KIF27: variants seen among roughly 807,000 people sequenced by gnomAD.
The protein encoded by KIF27 is kinesin-like protein KIF27.
KIF27 carries 84 observed loss-of-function variants against 141.8 expected under a neutral mutation model. The ratio of observed to expected loss-of-function variants is 0.59; its 90% CI spans 0.50 to 0.71. KIF27 has a LOEUF of 0.71. Among genes scored for constraint, KIF27 ranks in the 30% least tolerant of loss-of-function variants. The pLI, the probability that KIF27 is intolerant of heterozygous loss-of-function variation, is 0.00. For missense variants in KIF27, 1,306 were observed against 1,628.4 expected (o/e 0.80, Z 3.41); for synonymous variants, 471 against 569.5 (o/e 0.83, Z 2.46).
chr9:83,915,684 C>A lies in KIF27; in HGVS notation c.-87-6G>T, dbSNP rs1167968931. 3 of 1,309,924 alleles carry A rather than the reference C, an allele frequency of 2.3e-6. No homozygotes were observed. Among genetic ancestry groups the A allele is most frequent in the African/African-American group, 3.0e-5 (2 of 67,154 alleles). 81.1% of individuals were successfully genotyped at this position (1,309,924 alleles called of 1,614,324 possible). A position where few individuals can be genotyped will look rare whatever the true frequency, so the allele number is the denominator to read the frequency against. On this transcript the variant is annotated splice_region_variant and splice_polypyrimidine_tract_variant and intron_variant, in intron 1 of 17. Coordinates refer to ENST00000297814, the MANE Select transcript of KIF27 (RefSeq NM_017576.4). ...CTTATGTAAGATCTGGATTCCTGTG[C>A]AACAAAAATAAAAAGCAAATTTTAA... is the stretch of plus-strand genomic sequence containing the variant.
intron 11 of KIF27, among the ~76,000 whole-genome samples, chr9:83,874,793 G>T (rs185054565): frequency 6.7e-6 from 1 of 150,078 alleles, no homozygotes; most frequent in African/African-American, 2.5e-5. Flanking sequence ...AGTGTGTGAG[G>T]TACGCTGGCA....
chr9:83,886,605 C>T (rs1361287386), intron 9 of KIF27, among the ~76,000 whole-genome samples: 2 of 151,854 alleles, frequency 1.3e-5, no homozygotes, highest in Admixed American at 6.6e-5. Context: ...AAACTACTGA[C>T]GCATACTGGG....
chr9:83,873,555 A>T (rs531751717), intron 11 of KIF27, among the ~76,000 whole-genome samples: 21 of 152,342 alleles, frequency 1.4e-4, no homozygotes, highest in Non-Finnish European at 2.4e-4. Context: ...TAAATAAAGA[A>T]AAATGTTACA....
chr9:83,899,183 A>T lies in KIF27; in HGVS notation c.1602+478T>A, dbSNP rs1416711850. On this transcript the variant is annotated intron_variant, in intron 5 of 17. Transcript: ENST00000297814. Reference sequence around the variant, plus strand: ...CAGGGAGTTTAATATGTAGAGGCATACTATGTTATACTGTAGACATATCCA... The same window carrying T: ...CAGGGAGTTTAATATGTAGAGGCATTCTATGTTATACTGTAGACATATCCA... Among the ~76,000 whole-genome samples, 11 of 152,222 alleles carry T rather than the reference A, an allele frequency of 7.2e-5. No individual in the cohort carries two copies. The East Asian group carries it at 1.5e-3, about 21-fold the overall frequency.
At chr9:83,874,180 G>A (rs1951026300) in intron 11 of KIF27, among the ~76,000 whole-genome samples, 1 of 152,110 alleles carries the variant, frequency 6.6e-6, no homozygotes, top group Non-Finnish European at 1.5e-5. Context: ...CACTGTGCTA[G>A]ACTTTTTATA....
chr9:83,846,256 C>T (rs1947258503), intron 16 of KIF27, among the ~76,000 whole-genome samples: 2 of 152,244 alleles, frequency 1.3e-5, no homozygotes, highest in South Asian at 4.1e-4. Context: ...TTTGTCCTCA[C>T]TGGAATAGAC....
At chr9:83,860,529 T>C (rs1949775201) in intron 13 of KIF27, among the ~76,000 whole-genome samples, 2 of 152,228 alleles carry the variant, frequency 1.3e-5, no homozygotes, top group African/African-American at 2.4e-5. Flanking sequence ...TTGTTATTCA[T>C]AGGTGAACTA....
intron 16 of KIF27, among the ~76,000 whole-genome samples, chr9:83,848,061 C>CATATG (rs1554764477): frequency 0.07 from 1,358 of 19,276 alleles, 479 homozygotes; most frequent in Non-Finnish European, 0.1. Flanking sequence ...ATCTATATAT[C>CATATG]ATATATATGA....
At chr9:83,840,112 G>GT (rs1286915028) in intron 17 of KIF27, among the ~76,000 whole-genome samples, 1 of 151,944 alleles carries the variant, frequency 6.6e-6, no homozygotes, top group Non-Finnish European at 1.5e-5. Flanking sequence ...TTATATTAGA[G>GT]TAGCATTATG....
At position 83,908,248 on chromosome 9, in the gene KIF27, C is replaced by T. The variant is rs187922411; in HGVS notation, c.499+204G>A. 4.3e-4 allele frequency among the ~76,000 whole-genome samples: 55 copies of T among 126,520 alleles called. No homozygotes were observed. In the East Asian group the frequency reaches 0.01, roughly 24 times the overall value. 83.0% of individuals were successfully genotyped at this position (126,520 alleles called of 152,430 possible). ...CTACACTCTAGCCTGGCTGATGGAG[C>T]GAAACTCCATCTCAAAAAAAAAAAA... On this transcript the variant is annotated intron_variant, in intron 3 of 17. Coordinates refer to ENST00000297814, the MANE Select transcript of KIF27 (RefSeq NM_017576.4).
intron 2 of KIF27, among the ~76,000 whole-genome samples, chr9:83,912,502 C>T (rs974565623): frequency 3.3e-5 from 5 of 152,140 alleles, no homozygotes; most frequent in Non-Finnish European, 5.9e-5. Flanking sequence ...TATAGATAAG[C>T]AATCTTGATT....
At chr9:83,862,703 T>G (rs1271944276) in intron 13 of KIF27, among the ~76,000 whole-genome samples, 1 of 152,192 alleles carries the variant, frequency 6.6e-6, no homozygotes, top group Admixed American at 6.5e-5. Context: ...TTTTTCCAGT[T>G]CTGTGAAGAA....
rs756839697 is a variant in KIF27, at chr9:83,859,194, C to T, written c.3112G>A (p.Asp1038Asn). The change falls in exon 14 of 18, where the codon GAT (aspartate) becomes AAT (asparagine). Residue 1038 changes from aspartate to asparagine, a missense_variant. Physicochemically the swap from Asp to Asn is conservative, Grantham distance 23 (BLOSUM62 1). Transcript: ENST00000297814. ...DQLQKRRHNV[D>N]EKLKNGRVLS... ...ACTCTACCATTTTTAAGTTTTTCAT[C>T]CACATTGTGTCTGCGTTTCTGGAGC... 7 of 1,612,892 alleles carry T rather than the reference C, an allele frequency of 4.3e-6. No homozygotes were observed. In the South Asian group the frequency reaches 4.4e-5, roughly 10 times the overall value.
chr9:83,893,192 G>A (rs1414378861), intron 5 of KIF27, among the ~76,000 whole-genome samples: 5 of 152,190 alleles, frequency 3.3e-5, no homozygotes, highest in Admixed American at 6.5e-5. Flanking sequence ...ACTCATGATC[G>A]TGCCACTGTG....
chr9:83,848,206 A>C (rs1285818119), intron 16 of KIF27, among the ~76,000 whole-genome samples: 1 of 56,568 alleles, frequency 1.8e-5, no homozygotes, highest in Non-Finnish European at 3.1e-5. Context: ...TATATCAGAT[A>C]TGATATATAT....
At chr9:83,860,918 G>A (rs1949832203) in intron 13 of KIF27, among the ~76,000 whole-genome samples, 1 of 150,192 alleles carries the variant, frequency 6.7e-6, no homozygotes, top group South Asian at 2.1e-4. Flanking sequence ...GCTTATTCTA[G>A]CTTCACATTT....
chr9:83,884,245 C>T (rs1050523818), intron 9 of KIF27, among the ~76,000 whole-genome samples: 1 of 152,068 alleles, frequency 6.6e-6, no homozygotes, highest in African/African-American at 2.4e-5. Context: ...CAGTCAGTCT[C>T]ACTGGTTCAA....
intron 15 of KIF27, among the ~76,000 whole-genome samples, chr9:83,850,610 G>A (rs991031216): frequency 3.3e-5 from 5 of 151,510 alleles, no homozygotes; most frequent in Admixed American, 6.6e-5. Flanking sequence ...GTAAAACCCC[G>A]TCTCTACTAA....
At chr9:83,916,993 T>A (rs1955764080) in intron 1 of KIF27, among the ~76,000 whole-genome samples, 1 of 151,870 alleles carries the variant, frequency 6.6e-6, no homozygotes, top group South Asian at 2.1e-4. Context: ...ATATATATAT[T>A]TTATTATACT....
Sources: allele counts gnomAD v4.1 joint callset (sites outside exome capture counted in the v4.1 genomes callset), GRCh38; gene constraint gnomAD v4.1.1; transcripts MANE v1.5; gene names NCBI Gene and HGNC (gene_info 2026-07-23, HGNC 2026-07-21).